Variants in EVI5 observed in about 807,000 individuals in gnomAD.
EVI5 encodes ecotropic viral integration site 5 protein homolog.
EVI5 carries 73 observed loss-of-function variants against 112.0 expected under a neutral mutation model. The observed-to-expected ratio is 0.65, with a 90% CI of 0.54 to 0.79. EVI5 has a LOEUF of 0.79. Ranked by LOEUF, EVI5 falls within the 30% of genes least tolerant of loss-of-function variation. The pLI is 0.00. For synonymous variants in EVI5, 305 were observed against 319.9 expected, an observed-to-expected ratio of 0.95 and a Z score of 0.50; for missense variants, 900 against 968.8, an observed-to-expected ratio of 0.93 and a Z score of 0.94.
intron 2 of EVI5, among the ~76,000 whole-genome samples, chr1:92,726,198 C>T (rs1438202053): frequency 1.3e-5 from 2 of 152,064 alleles, no homozygotes; most frequent in Admixed American, 1.3e-4. Context: ...ACTATAAATC[C>T]ATAAGAAGTT....
chr1:92,618,341 A>G (rs1444308900), intron 16 of EVI5, among the ~76,000 whole-genome samples: 1 of 152,128 alleles, frequency 6.6e-6, no homozygotes, highest in East Asian at 1.9e-4. Context: ...CAGAAGACAC[A>G]ACAACGACTC....
chr1:92,611,522 C>A (rs1309203129), intron 16 of EVI5, among the ~76,000 whole-genome samples: 2 of 149,860 alleles, frequency 1.3e-5, no homozygotes, highest in African/African-American at 4.9e-5. Flanking sequence ...CACAATGAAA[C>A]CCTGTCTCTA....
At chr1:92,565,089 C>G (rs779093299) in intron 18 of EVI5, among the ~76,000 whole-genome samples, 1 of 152,138 alleles carries the variant, frequency 6.6e-6, no homozygotes, top group African/African-American at 2.4e-5. Flanking sequence ...AGCTCTGATC[C>G]GGAGCCATCT....
At chr1:92,662,976 A>G (rs1411463284) in intron 12 of EVI5, 111 bp from the exon 13 acceptor site, 1 of 459,324 alleles carries the variant, frequency 2.2e-6, no homozygotes, top group African/African-American at 2.1e-5. Flanking sequence ...AAAAAAAGTC[A>G]CCTCAGCGAA....
intron 14 of EVI5, among the ~76,000 whole-genome samples, chr1:92,630,208 G>T (rs1251891190): frequency 1.3e-5 from 2 of 152,116 alleles, no homozygotes; most frequent in African/African-American, 2.4e-5. Flanking sequence ...GGGTCAAATG[G>T]TATTTCTAGT....
chr1:92,592,846 T>C (rs943474593), intron 18 of EVI5, among the ~76,000 whole-genome samples: 5 of 152,140 alleles, frequency 3.3e-5, no homozygotes, highest in Admixed American at 6.5e-5. Context: ...CCTCGACACA[T>C]ACACCCTCCC....
chr1:92,712,450 C>T (rs959961536), intron 2 of EVI5, among the ~76,000 whole-genome samples: 3 of 151,872 alleles, frequency 2.0e-5, no homozygotes, highest in African/African-American at 4.8e-5. Context: ...TACAGACATT[C>T]CAGAAAAACA....
chr1:92,556,896 A>G (rs1207201638), intron 19 of EVI5, among the ~76,000 whole-genome samples: 2 of 151,354 alleles, frequency 1.3e-5, no homozygotes, highest in African/African-American at 2.4e-5. Flanking sequence ...TGCAACCTCA[A>G]ACTCCTGGGT....
intron 18 of EVI5, among the ~76,000 whole-genome samples, chr1:92,581,708 T>A (rs1671960843): frequency 1.4e-5 from 2 of 146,994 alleles, no homozygotes; most frequent in South Asian, 4.2e-4. Flanking sequence ...AAAAAAAAAC[T>A]ATTTACTATT....
intron 9 of EVI5, among the ~76,000 whole-genome samples, chr1:92,682,250 C>T (rs1049038499): frequency 5.9e-5 from 9 of 152,274 alleles, no homozygotes; most frequent in Middle Eastern, 3.4e-3. Flanking sequence ...GGTGTCGGCT[C>T]AAATAGTATC....
intron 1 of EVI5, among the ~76,000 whole-genome samples, chr1:92,775,576 C>A (rs1180582887): frequency 6.6e-6 from 1 of 152,080 alleles, no homozygotes; most frequent in Non-Finnish European, 1.5e-5. Flanking sequence ...AGCCTAGGAG[C>A]AAAAGGCTAT....
At chr1:92,677,288 T>A in intron 9 of EVI5, 70 bp from the exon 10 acceptor site, 1 of 762,026 alleles carries the variant, frequency 1.3e-6, no homozygotes, top group Non-Finnish European at 2.1e-6. Context: ...TTACAAAATT[T>A]AAAAATACAT....
At chr1:92,568,373 TA>T (rs1054450649) in intron 18 of EVI5, among the ~76,000 whole-genome samples, 59 of 14,496 alleles carry the variant, frequency 4.1e-3, no homozygotes, top group Admixed American at 8.7e-3. Flanking sequence ...AAACCTATCT[TA>T]AAAAAAAAAA....
intron 1 of EVI5, among the ~76,000 whole-genome samples, chr1:92,753,335 C>T (rs1228132386): frequency 6.6e-6 from 1 of 152,080 alleles, no homozygotes; most frequent in Non-Finnish European, 1.5e-5. Context: ...ATCAAACAGT[C>T]AATCAACCAA....
chr1:92,639,323 AT>A (rs1390356053), intron 13 of EVI5, among the ~76,000 whole-genome samples: 1 of 152,144 alleles, frequency 6.6e-6, no homozygotes, highest in African/African-American at 2.4e-5. Flanking sequence ...TTAAAAAAAA[AT>A]CTTCAATATT....
rs368453488 is a variant in EVI5, at chr1:92,612,709, C to CAAA, written c.1828-4985_1828-4983dup. Among the ~76,000 whole-genome samples, 147 of 78,630 alleles carry CAAA rather than the reference C, an allele frequency of 1.9e-3. 1 individual carries two copies. Among genetic ancestry groups the CAAA allele is most frequent in the East Asian group, 7.5e-3 (22 of 2,950 alleles). The allele number at this position is 78,630 out of a possible 152,430, so 51.6% of individuals were successfully genotyped here. A position where few individuals can be genotyped will look rare whatever the true frequency, so the allele number is the denominator to read the frequency against. ...TGGGTGACAGAATAAGACTCCATCT[C>CAAA]AAAAAAAAAAAAAAAGGAAAAAAAA... On this transcript the variant is annotated intron_variant, in intron 16 of 19. Transcript: ENST00000684568.
chr1:92,556,375 A>G (rs1037633718), intron 19 of EVI5, among the ~76,000 whole-genome samples: 11 of 152,294 alleles, frequency 7.2e-5, no homozygotes, highest in African/African-American at 2.6e-4. Flanking sequence ...AAATACAAGC[A>G]TAAGGAAAAA....
intron 1 of EVI5, among the ~76,000 whole-genome samples, chr1:92,782,824 T>G (rs915070076): frequency 7.9e-5 from 12 of 152,090 alleles, no homozygotes; most frequent in African/African-American, 2.9e-4. Context: ...ATGTTTTTTG[T>G]TTTTGTTTTT....
chr1:92,545,219 T>A (rs1557751949), intron 19 of EVI5, among the ~76,000 whole-genome samples: 1 of 152,142 alleles, frequency 6.6e-6, no homozygotes, highest in Non-Finnish European at 1.5e-5. Context: ...CTGTTATTGT[T>A]TATTTTTAAA....
Sources: gnomAD v4.1 joint callset for allele counts (sites outside exome capture counted in the v4.1 genomes callset) on GRCh38, gnomAD v4.1.1 for gene constraint, MANE v1.5 for transcripts, NCBI Gene and HGNC (gene_info 2026-07-23, HGNC 2026-07-21) for gene names.